The following PLS1 variants were observed in gnomAD, a reference collection of about 807,000 sequenced individuals.
PLS1 encodes plastin 1.
Under a neutral mutation model 73.7 loss-of-function variants are expected in PLS1, and 32 were observed. The ratio of observed to expected loss-of-function variants is 0.43; its 90% CI spans 0.33 to 0.58. The LOEUF (loss-of-function observed/expected upper bound fraction) is 0.58. Ranked by LOEUF, PLS1 falls within the 20% of genes least tolerant of loss-of-function variation. PLS1 has a pLI of 0.04. For missense variants in PLS1, 633 were observed against 740.5 expected, an observed-to-expected ratio of 0.85 and a Z score of 1.68; for synonymous variants, 217 against 261.3, an observed-to-expected ratio of 0.83 and a Z score of 1.63.
chr3:142,637,754 A>G (rs2036725518), intron 1 of PLS1, among the ~76,000 whole-genome samples: 2 of 152,156 alleles, frequency 1.3e-5, no homozygotes. Flanking sequence ...CAGGATATGT[A>G]ATTAAATATG....
chr3:142,666,527 A>G (rs1410547247), intron 2 of PLS1, among the ~76,000 whole-genome samples: 1 of 152,046 alleles, frequency 6.6e-6, no homozygotes, highest in Non-Finnish European at 1.5e-5. Context: ...TATATGCCAC[A>G]TTTTGCTTAT....
intron 1 of PLS1, among the ~76,000 whole-genome samples, chr3:142,663,553 G>A (rs753293372): frequency 2.0e-5 from 3 of 152,180 alleles, no homozygotes; most frequent in Non-Finnish European, 4.4e-5. Flanking sequence ...TAAAAAATTA[G>A]CTGGGTACAG....
intron 1 of PLS1, among the ~76,000 whole-genome samples, chr3:142,634,432 C>A (rs1237640415): frequency 6.6e-6 from 1 of 152,080 alleles, no homozygotes; most frequent in Non-Finnish European, 1.5e-5. Context: ...AGAAAAAATA[C>A]ACATTACATA....
intron 1 of PLS1, among the ~76,000 whole-genome samples, chr3:142,608,266 G>A (rs76010353): frequency 3.2e-3 from 487 of 152,286 alleles, no homozygotes; most frequent in African/African-American, 0.011. Context: ...GATCAAATTC[G>A]GTAGTGGAGT....
chr3:142,688,980 G>A (rs2038030054), intron 9 of PLS1, among the ~76,000 whole-genome samples: 1 of 152,084 alleles, frequency 6.6e-6, no homozygotes, highest in African/African-American at 2.4e-5. Flanking sequence ...TATCCAGAGG[G>A]CACTCTACTA....
intron 1 of PLS1, among the ~76,000 whole-genome samples, chr3:142,640,564 T>C (rs555032145): frequency 6.6e-6 from 1 of 152,254 alleles, no homozygotes; most frequent in Non-Finnish European, 1.5e-5. Context: ...TGGTATTTCA[T>C]TGGATCTGGA....
At chr3:142,701,193 G>C (rs1453417724) in intron 12 of PLS1, among the ~76,000 whole-genome samples, 7 of 152,150 alleles carry the variant, frequency 4.6e-5, no homozygotes. Context: ...CTTTTAGCCT[G>C]AGAACTCAGT....
At chr3:142,685,580 G>T (rs1021414931) in intron 8 of PLS1, among the ~76,000 whole-genome samples, 6 of 152,146 alleles carry the variant, frequency 3.9e-5, no homozygotes, top group East Asian at 1.9e-4. Flanking sequence ...CCTCCACAAG[G>T]CCTCTCTACA....
intron 1 of PLS1, among the ~76,000 whole-genome samples, chr3:142,612,030 A>G (rs1427688092): frequency 2.6e-5 from 4 of 152,228 alleles, no homozygotes; most frequent in African/African-American, 9.6e-5. Context: ...ATGCTTCTCT[A>G]GGTACTGAAA....
intron 1 of PLS1, among the ~76,000 whole-genome samples, chr3:142,599,418 T>C (rs2035874778): frequency 6.7e-6 from 1 of 148,904 alleles, no homozygotes. Context: ...CAAGCTCCGC[T>C]TCCCAGGTTC....
intron 1 of PLS1, among the ~76,000 whole-genome samples, chr3:142,599,235 G>A (rs1201871765): frequency 6.6e-6 from 1 of 151,438 alleles, no homozygotes; most frequent in Non-Finnish European, 1.5e-5. Flanking sequence ...TTTGCCATGG[G>A]GAGGGTGGGC....
At chr3:142,659,119 T>C (rs2037306260) in intron 1 of PLS1, among the ~76,000 whole-genome samples, 2 of 152,118 alleles carry the variant, frequency 1.3e-5, no homozygotes, top group African/African-American at 2.4e-5. Flanking sequence ...TCCAGACCCA[T>C]TGAAAGCCCT....
At chr3:142,656,564 C>T (rs899720870) in intron 1 of PLS1, 1 of 152,150 alleles carries the variant, frequency 6.6e-6, no homozygotes, top group Non-Finnish European at 1.5e-5. Flanking sequence ...TTACTTTTTC[C>T]AAAATGAATG....
chr3:142,630,825 A>C (rs568274077), intron 1 of PLS1, among the ~76,000 whole-genome samples: 2 of 152,242 alleles, frequency 1.3e-5, no homozygotes, highest in South Asian at 4.1e-4. Context: ...GAGAGTGTAC[A>C]GTTCCTGCTT....
chr3:142,639,114 A>G (rs2036774685), intron 1 of PLS1, among the ~76,000 whole-genome samples: 1 of 152,212 alleles, frequency 6.6e-6, no homozygotes, highest in Admixed American at 6.5e-5. Context: ...AGGGTAAAAC[A>G]TACAAGTAAA....
At chr3:142,621,623 T>G (rs956515182) in intron 1 of PLS1, among the ~76,000 whole-genome samples, 1 of 152,218 alleles carries the variant, frequency 6.6e-6, no homozygotes, top group African/African-American at 2.4e-5. Context: ...GAAGAAAGAT[T>G]GAAAATTTAT....
intron 1 of PLS1, among the ~76,000 whole-genome samples, chr3:142,633,586 G>GT (rs770288546): frequency 6.6e-6 from 1 of 152,180 alleles, no homozygotes; most frequent in Non-Finnish European, 1.5e-5. Context: ...AACCTGGGAG[G>GT]TGGAGGTTGC....
Position 142,704,007 on chromosome 3 carries a change from G to C in PLS1, c.1505+6G>C, listed in dbSNP as rs1387178247. The C allele has an allele frequency of 1.9e-6, 3 of 1,613,226 alleles. No individual in the cohort carries two copies. The Admixed American group carries it at 5.0e-5, about 27-fold the overall frequency. ...GTATGGCAGCTGATGAGAAGGTAAAGGCTGATATGTTGGTAGCAACACTGC... is the reference window on the plus strand; with the variant it reads ...GTATGGCAGCTGATGAGAAGGTAAACGCTGATATGTTGGTAGCAACACTGC... On this transcript the variant is annotated splice_donor_region_variant and intron_variant, in intron 13 of 15. Transcript: ENST00000457734.
chr3:142,678,600 A>G lies in PLS1; in HGVS notation c.579+487A>G, dbSNP rs1265896950. Reference sequence around the variant, plus strand: ...ATCCATGTCCCTACAAAGGACATGAACTCATCATTTTTTATGGCTGCATAG... The same window carrying G: ...ATCCATGTCCCTACAAAGGACATGAGCTCATCATTTTTTATGGCTGCATAG... On this transcript the variant is annotated intron_variant, in intron 6 of 15. Transcript: ENST00000457734. Among the ~76,000 whole-genome samples, 271 of 151,356 alleles carry G rather than the reference A, an allele frequency of 1.8e-3. 1 individual carries two copies. The highest frequency in any genetic ancestry group is 6.3e-3 in the African/African-American group (260 of 41,236).
Sources: allele counts gnomAD v4.1 joint callset (sites outside exome capture counted in the v4.1 genomes callset), GRCh38; gene constraint gnomAD v4.1.1; transcripts MANE v1.5; gene names NCBI Gene and HGNC (gene_info 2026-07-23, HGNC 2026-07-21).